The following F13A1 variants were observed in gnomAD, a reference collection of about 807,000 sequenced individuals.
F13A1 encodes FSF, A subunit.
A neutral mutation model predicts 80.1 loss-of-function variants in F13A1; 47 were observed. The observed-to-expected ratio is 0.59, with a 90% confidence interval of 0.46 to 0.75. The LOEUF is 0.75. Ranked by LOEUF, F13A1 falls within the 30% of genes least tolerant of loss-of-function variation. The pLI is 0.00. For missense variants in F13A1, 817 were observed against 930.4 expected (o/e 0.88, Z 1.59); for synonymous variants, 349 against 344.9 (o/e 1.01, Z -0.13).
intron 3 of F13A1, among the ~76,000 whole-genome samples, chr6:6,291,705 T>C (rs947446828): frequency 1.3e-5 from 2 of 152,190 alleles, no homozygotes; most frequent in Non-Finnish European, 2.9e-5. Flanking sequence ...GCTCATTTGG[T>C]CTTTGTCTCC....
chr6:6,197,123 G>A, intron 9 of F13A1, 100 bp downstream of exon 9: 1 of 1,051,410 alleles, frequency 9.5e-7, no homozygotes, highest in South Asian at 1.3e-5. Flanking sequence ...TTCAGATGTT[G>A]CCTCCCAATG....
At chr6:6,195,984 G>C (rs1317481695) in intron 9 of F13A1, 99 bp from the exon 10 acceptor site, 5 of 1,090,558 alleles carry the variant, frequency 4.6e-6, no homozygotes, top group Non-Finnish European at 6.9e-6. Flanking sequence ...GTAAAGACCA[G>C]TGTTCCCAAC....
chr6:6,206,408 G>T, intron 8 of F13A1: 1 of 463,092 alleles, frequency 2.2e-6, no homozygotes. Context: ...TTGCCATATG[G>T]AGTGTTTTCT....
chr6:6,229,314 T>C (rs962202483), intron 6 of F13A1, among the ~76,000 whole-genome samples: 2 of 152,080 alleles, frequency 1.3e-5, no homozygotes, highest in African/African-American at 4.8e-5. Flanking sequence ...TTTTAGGAGA[T>C]CACAGACCAA....
chr6:6,296,027 C>T (rs1232397826), intron 3 of F13A1, among the ~76,000 whole-genome samples: 1 of 139,612 alleles, frequency 7.2e-6, no homozygotes, highest in Non-Finnish European at 1.5e-5. Context: ...GCTTGTTTTT[C>T]TCAGGTTTGT....
intron 10 of F13A1, among the ~76,000 whole-genome samples, chr6:6,186,698 T>C (rs935014574): frequency 2.6e-5 from 4 of 152,278 alleles, no homozygotes; most frequent in South Asian, 2.1e-4. Context: ...ATTGACTTGG[T>C]GATGCAGGCT....
chr6:6,260,754 CA>C (rs1472729418), intron 4 of F13A1, among the ~76,000 whole-genome samples: 1 of 152,006 alleles, frequency 6.6e-6, no homozygotes, highest in African/African-American at 2.4e-5. Flanking sequence ...AGAGATCAAG[CA>C]ACAAAAATAA....
intron 10 of F13A1, among the ~76,000 whole-genome samples, chr6:6,183,808 G>A (rs1267288995): frequency 2.0e-5 from 3 of 152,136 alleles, no homozygotes; most frequent in Non-Finnish European, 4.4e-5. Context: ...TGTAGAAAGT[G>A]CATGTTAATC....
At chr6:6,301,283 C>T (rs994692150) in intron 3 of F13A1, among the ~76,000 whole-genome samples, 1 of 152,170 alleles carries the variant, frequency 6.6e-6, no homozygotes, top group African/African-American at 2.4e-5. Flanking sequence ...GCAGAAATGA[C>T]TCTGATCAAG....
In F13A1 at chr6:6,144,481, A is replaced by C. The variant is rs966114314; in HGVS notation, c.*1138T>G. On this transcript the variant is annotated 3_prime_UTR_variant, in exon 15 of 15. Coordinates refer to ENST00000264870, the MANE Select transcript of F13A1 (RefSeq NM_000129.4). ...TAAATCAGCCTTGCAAATACATAGCAGGCAGCCTTCTCTGTAGTAGCCTTG... is the reference window on the plus strand; with the variant it reads ...TAAATCAGCCTTGCAAATACATAGCCGGCAGCCTTCTCTGTAGTAGCCTTG... 2.0e-5 allele frequency: 3 copies of C among 152,244 alleles called. No individual in the cohort carries two copies. The highest frequency in any genetic ancestry group is 4.4e-5 in the Non-Finnish European group (3 of 68,056). The allele number at this position is 152,244 out of a possible 1,614,324, so 9.4% of individuals were successfully genotyped here. A position where few individuals can be genotyped will look rare whatever the true frequency, so the allele number is the denominator to read the frequency against.
intron 4 of F13A1, among the ~76,000 whole-genome samples, chr6:6,265,751 C>A (rs1442083902): frequency 6.6e-6 from 1 of 152,204 alleles, no homozygotes; most frequent in African/African-American, 2.4e-5. Flanking sequence ...TTTAGATATA[C>A]AGACTTTCTG....
chr6:6,294,516 C>T (rs1421445291), intron 3 of F13A1, among the ~76,000 whole-genome samples: 1 of 146,842 alleles, frequency 6.8e-6, no homozygotes, highest in Non-Finnish European at 1.5e-5. Flanking sequence ...TGTATATACA[C>T]ACAACACTCA....
At chr6:6,211,961 C>T (rs1030524498) in intron 8 of F13A1, among the ~76,000 whole-genome samples, 2 of 152,254 alleles carry the variant, frequency 1.3e-5, no homozygotes, top group Admixed American at 6.5e-5. Context: ...AAATACTGCG[C>T]TTTTCTGACG....
intron 11 of F13A1, among the ~76,000 whole-genome samples, chr6:6,175,520 A>G (rs1760868011): frequency 1.3e-5 from 2 of 152,228 alleles, no homozygotes; most frequent in African/African-American, 2.4e-5. Context: ...GGCTCTGGCA[A>G]GACATTAAAA....
intron 3 of F13A1, among the ~76,000 whole-genome samples, chr6:6,297,256 C>T (rs1478077086): frequency 6.6e-6 from 1 of 152,024 alleles, no homozygotes; most frequent in East Asian, 1.9e-4. Flanking sequence ...ATGATGCTGG[C>T]CTCATGAAAT....
At position 6,318,558 on chromosome 6, in the gene F13A1, A is replaced by ACCACGCCCTGAAGCT. The variant is rs1561690530; in HGVS notation, c.92_106dup (p.Glu31_Val35dup). The ACCACGCCCTGAAGCT allele has an allele frequency of 6.2e-7, 1 of 1,613,844 alleles. No individual in the cohort carries two copies. The highest frequency in any genetic ancestry group is 1.7e-5 in the Admixed American group (1 of 59,996). The stretch of plus-strand genomic sequence containing the variant: ...ACCTTGCAGGTTGACGCCCCGGGGC[A>ACCACGCCCTGAAGCT]CCACGCCCTGAAGCTCCACTGTGGG... On this transcript the variant is annotated inframe_insertion, in exon 2 of 15. Coordinates refer to ENST00000264870, the MANE Select transcript of F13A1 (RefSeq NM_000129.4).
chr6:6,177,175 G>A (rs185472168), intron 11 of F13A1, among the ~76,000 whole-genome samples: 8 of 152,298 alleles, frequency 5.3e-5, no homozygotes, highest in Admixed American at 1.3e-4. Context: ...AGATTCTTCT[G>A]CAGCCTCTGG....
intron 11 of F13A1, among the ~76,000 whole-genome samples, chr6:6,175,094 G>T (rs1665827207): frequency 6.6e-6 from 1 of 152,152 alleles, no homozygotes. Context: ...AGGTGACAGT[G>T]TTGGGATCTA....
intron 3 of F13A1, among the ~76,000 whole-genome samples, chr6:6,295,351 A>C (rs1305648885): frequency 0.087 from 12,685 of 146,362 alleles, 905 homozygotes; most frequent in Admixed American, 0.14. Context: ...ACTAGTTTAC[A>C]GTCCCACCAA....
Sources: gnomAD v4.1 joint callset for allele counts (sites outside exome capture counted in the v4.1 genomes callset) on GRCh38, gnomAD v4.1.1 for gene constraint, MANE v1.5 for transcripts, NCBI Gene and HGNC (gene_info 2026-07-23, HGNC 2026-07-21) for gene names.